Variants in CFAP61 observed in about 807,000 individuals in gnomAD.
The protein encoded by CFAP61 is cilia- and flagella-associated protein 61.
In CFAP61, 107 loss-of-function variants were observed where a neutral mutation model predicts 135.6. The ratio of observed to expected loss-of-function variants is 0.79; its 90% confidence interval spans 0.67 to 0.93. The LOEUF is 0.93. Among genes scored for constraint, CFAP61 ranks in the 40% least tolerant of loss-of-function variants. CFAP61 has a pLI of 0.00. For synonymous variants in CFAP61, 575 were observed against 578.5 expected (o/e 0.99, Z 0.09); for missense variants, 1,507 against 1,556.2 (o/e 0.97, Z 0.53).
chr20:20,294,922 G>A (rs1466695273), intron 24 of CFAP61, among the ~76,000 whole-genome samples: 4 of 145,124 alleles, frequency 2.8e-5, no homozygotes, highest in Non-Finnish European at 6.0e-5. Context: ...GCGACAGAGC[G>A]AGACTCCGTC....
At position 20,188,038 on chromosome 20, in the gene CFAP61, C is replaced by A; in HGVS notation, c.1494C>A (p.Asn498Lys). The A allele has an allele frequency of 6.2e-7, 1 of 1,614,172 alleles. No individual in the cohort carries two copies. The highest frequency in any genetic ancestry group is 8.5e-7 in the Non-Finnish European group (1 of 1,180,010). ...TATTGGAGGACTTAGACCGTTACAA[C>A]AAGGCTCGCAAAGACCCTGTAAGTA... ...KSILEDLDRYNKARKDPDGTL... is the reference protein window; with the variant it reads ...KSILEDLDRYKKARKDPDGTL... The change falls in exon 14 of 27, where the codon AAC (asparagine) becomes AAA (lysine). Residue 498 changes from asparagine to lysine, a missense_variant. Asn to Lys is a moderately conservative substitution (Grantham distance 94, BLOSUM62 0). Transcript: ENST00000245957.
intron 13 of CFAP61, among the ~76,000 whole-genome samples, chr20:20,169,710 CTGTAGGCAG>C (rs1410330019): frequency 6.6e-6 from 1 of 152,168 alleles, no homozygotes; most frequent in Non-Finnish European, 1.5e-5. Flanking sequence ...TTGACAGATT[CTGTAGGCAG>C]AACAATGTAA....
At chr20:20,233,822 C>A (rs2049357649) in intron 18 of CFAP61, among the ~76,000 whole-genome samples, 1 of 152,214 alleles carries the variant, frequency 6.6e-6, no homozygotes, top group Non-Finnish European at 1.5e-5. Flanking sequence ...ATTAGAGACT[C>A]CCAGAACAAA....
intron 25 of CFAP61, among the ~76,000 whole-genome samples, chr20:20,312,011 T>C (rs898659909): frequency 2.6e-5 from 4 of 152,148 alleles, no homozygotes; most frequent in Admixed American, 1.3e-4. Flanking sequence ...AAGCAAGACA[T>C]GAATGTATCA....
chr20:20,125,836 T>A (rs751629326), intron 8 of CFAP61, among the ~76,000 whole-genome samples: 2 of 151,812 alleles, frequency 1.3e-5, no homozygotes, highest in Admixed American at 6.6e-5. Flanking sequence ...CCACTATTAT[T>A]GTGTTGCTGT....
At chr20:20,322,522 T>C (rs899641843) in intron 25 of CFAP61, 1 of 199,346 alleles carries the variant, frequency 5.0e-6, no homozygotes, top group African/African-American at 2.4e-5. Flanking sequence ...ACTCTTGACC[T>C]CCTGTATCTA....
chr20:20,169,354 C>G lies in CFAP61; in HGVS notation c.1279C>G (p.Leu427Val). The part of the protein sequence containing the change: ...KNFCVISLPH[L>V]TPEFFLIQNF... ...CTTCTGTGTAATTTCTCTGCCCCATCTCACCCCCGAGTTCTTCCTCATCCA... is the reference window on the plus strand; with the variant it reads ...CTTCTGTGTAATTTCTCTGCCCCATGTCACCCCCGAGTTCTTCCTCATCCA... The change falls in exon 13 of 27, where the codon CTC (leucine) becomes GTC (valine). Residue 427 changes from leucine (L) to valine (V), a missense_variant. By Grantham distance (32) the Leu-to-Val change is conservative (BLOSUM62 1). Transcript: ENST00000245957. 6.2e-7 allele frequency: 1 copy of G among 1,613,858 alleles called. No homozygotes were observed. The highest frequency in any genetic ancestry group is 8.5e-7 in the Non-Finnish European group (1 of 1,179,910).
chr20:20,213,915 C>G (rs2047851147), intron 17 of CFAP61, among the ~76,000 whole-genome samples: 1 of 151,932 alleles, frequency 6.6e-6, no homozygotes. Context: ...CTCTCTCTCT[C>G]TCTCCACCCC....
chr20:20,114,566 C>A (rs2049011307), intron 8 of CFAP61, among the ~76,000 whole-genome samples: 1 of 151,936 alleles, frequency 6.6e-6, no homozygotes, highest in Non-Finnish European at 1.5e-5. Flanking sequence ...AATCATTTTT[C>A]AAATTGTTCA....
chr20:20,298,472 C>A, intron 25 of CFAP61, 86 bp downstream of exon 25: 4 of 1,164,552 alleles, frequency 3.4e-6, no homozygotes, highest in South Asian at 1.4e-5. Context: ...GTGATGCACC[C>A]GAGAGCAAAA....
At chr20:20,117,332 A>G (rs2049221450) in intron 8 of CFAP61, among the ~76,000 whole-genome samples, 1 of 152,160 alleles carries the variant, frequency 6.6e-6, no homozygotes, top group Non-Finnish European at 1.5e-5. Context: ...CAACAGAGTG[A>G]GACTCCATCT....
chr20:20,202,936 A>G (rs1248130497), intron 17 of CFAP61, among the ~76,000 whole-genome samples: 2 of 152,066 alleles, frequency 1.3e-5, no homozygotes, highest in Non-Finnish European at 2.9e-5. Context: ...TCTTCAAGGG[A>G]ACAGATCACT....
Position 20,164,203 on chromosome 20 carries a change from T to G in CFAP61, c.1180T>G (p.Cys394Gly). ...ASAAFCIQLF[C>G]IDEKYEARSL... ...AGCTGCTTTTTGTATTCAGCTGTTT[T>G]GTATTGATGAGAAATATGAAGCAAG... is the stretch of plus-strand genomic sequence containing the variant. The change falls in exon 11 of 27, where the codon TGT becomes GGT. Residue 394 changes from cysteine (C) to glycine (G), a missense_variant. By Grantham distance (159) the Cys-to-Gly change is radical. Transcript: ENST00000245957. 1 of 1,613,874 alleles carries G rather than the reference T, an allele frequency of 6.2e-7. No individual in the cohort carries two copies. The highest frequency in any genetic ancestry group is 1.1e-5 in the South Asian group (1 of 91,012).
chr20:20,346,076 T>C (rs867406922), intron 26 of CFAP61, among the ~76,000 whole-genome samples: 296 of 133,438 alleles, frequency 2.2e-3, no homozygotes, highest in African/African-American at 7.4e-3. Context: ...TAATTTTTTG[T>C]ATTTTTAGTA....
At chr20:20,109,891 C>T (rs1254811232) in intron 8 of CFAP61, among the ~76,000 whole-genome samples, 2 of 151,002 alleles carry the variant, frequency 1.3e-5, no homozygotes, top group African/African-American at 4.9e-5. Flanking sequence ...TTCTAATTGT[C>T]TAATTGCCTG....
At chr20:20,244,961 C>A (rs1200957145) in intron 18 of CFAP61, among the ~76,000 whole-genome samples, 1 of 152,248 alleles carries the variant, frequency 6.6e-6, no homozygotes, top group Non-Finnish European at 1.5e-5. Flanking sequence ...AATCTCTTTG[C>A]TAAAACATAA....
At chr20:20,162,617 C>T (rs1295798463) in intron 10 of CFAP61, among the ~76,000 whole-genome samples, 1 of 152,086 alleles carries the variant, frequency 6.6e-6, no homozygotes, top group Non-Finnish European at 1.5e-5. Flanking sequence ...AAAGAAAAGA[C>T]CTGGAACTTA....
intron 8 of CFAP61, among the ~76,000 whole-genome samples, chr20:20,121,681 A>G (rs1317494364): frequency 6.6e-6 from 1 of 151,940 alleles, no homozygotes; most frequent in Non-Finnish European, 1.5e-5. Context: ...TTTAGTTGAG[A>G]TGGTGTTTCG....
chr20:20,060,767 C>G (rs552563841), intron 2 of CFAP61, among the ~76,000 whole-genome samples: 1 of 152,332 alleles, frequency 6.6e-6, no homozygotes, highest in East Asian at 1.9e-4. Context: ...AGTCTTGCAA[C>G]TTCCACTGGG....
Sources: allele counts gnomAD v4.1 joint callset (sites outside exome capture counted in the v4.1 genomes callset), GRCh38; gene constraint gnomAD v4.1.1; transcripts MANE v1.5; gene names NCBI Gene and HGNC (gene_info 2026-07-23, HGNC 2026-07-21).